IDE: variants seen among roughly 807,000 people sequenced by gnomAD.
IDE encodes insulin degrading enzyme, also known as insulin-degrading enzyme.
Under a neutral mutation model 133.2 loss-of-function variants are expected in IDE, and 58 were observed. The ratio of observed to expected loss-of-function variants is 0.44; its 90% CI spans 0.35 to 0.54. The LOEUF is 0.54. IDE is among the 20% of genes least tolerant of loss of function. IDE has a pLI of 0.00. For missense variants in IDE, 981 were observed against 1,234.0 expected (o/e 0.79, Z 3.07); for synonymous variants, 396 against 421.3 (o/e 0.94, Z 0.73).
Position 92,476,746 on chromosome 10 carries a change from T to C in IDE, c.1885-752A>G, listed in dbSNP as rs529226334. ...TACTATATCATCAAAACTCAAATTCTTTTTATAAAATTAATTGTAGAATGT... is the reference window on the plus strand; with the variant it reads ...TACTATATCATCAAAACTCAAATTCCTTTTATAAAATTAATTGTAGAATGT... On this transcript the variant is annotated intron_variant, in intron 15 of 24. Coordinates refer to ENST00000265986, the MANE Select transcript of IDE (RefSeq NM_004969.4). Among the ~76,000 whole-genome samples, 9 of 152,342 alleles carry C rather than the reference T, an allele frequency of 5.9e-5. 1 individual carries two copies. In the South Asian group the frequency reaches 1.5e-3, roughly 25 times the overall value.
At chr10:92,530,336 C>T (rs1432898891) in intron 4 of IDE, among the ~76,000 whole-genome samples, 1 of 150,822 alleles carries the variant, frequency 6.6e-6, no homozygotes, top group South Asian at 2.1e-4. Context: ...TTACTATCAC[C>T]CAGGCTGGAG....
chr10:92,475,602 C>T (rs979623544), intron 16 of IDE, among the ~76,000 whole-genome samples: 1 of 152,114 alleles, frequency 6.6e-6, no homozygotes, highest in African/African-American at 2.4e-5. Flanking sequence ...GAGGCCCTGA[C>T]AGCCACTAAG....
intron 22 of IDE, among the ~76,000 whole-genome samples, chr10:92,458,490 G>GT (rs71028821): frequency 0.028 from 2,304 of 83,764 alleles, 489 homozygotes; most frequent in Non-Finnish European, 0.036. Flanking sequence ...TACTCTCTCT[G>GT]TTTTTTTTTT....
intron 11 of IDE, among the ~76,000 whole-genome samples, chr10:92,496,506 C>G (rs1479268247): frequency 6.6e-6 from 1 of 152,146 alleles, no homozygotes; most frequent in African/African-American, 2.4e-5. Context: ...ACCTCTCTAG[C>G]CAGGTGTGGT....
chr10:92,551,566 CAAAAAAA>C (rs1232265058), intron 1 of IDE, among the ~76,000 whole-genome samples: 3 of 66,634 alleles, frequency 4.5e-5, no homozygotes, highest in East Asian at 4.4e-4. Flanking sequence ...GACTCCATCT[CAAAAAAA>C]AAAAAAAAAA....
intron 4 of IDE, among the ~76,000 whole-genome samples, chr10:92,521,625 G>A (rs748717898): frequency 7.9e-5 from 12 of 151,838 alleles, no homozygotes; most frequent in Non-Finnish European, 1.3e-4. Context: ...TGGGAGAATC[G>A]CTTGAAACTA....
chr10:92,491,047 G>C (rs2135462448), intron 11 of IDE, among the ~76,000 whole-genome samples: 1 of 152,056 alleles, frequency 6.6e-6, no homozygotes, highest in South Asian at 2.1e-4. Flanking sequence ...AGAGCAATCT[G>C]GGCAAAATAG....
intron 20 of IDE, among the ~76,000 whole-genome samples, chr10:92,464,972 T>C (rs1391911206): frequency 2.0e-5 from 3 of 152,184 alleles, no homozygotes; most frequent in African/African-American, 7.2e-5. Flanking sequence ...GCCCGGCCAA[T>C]AGTTTGAGCT....
At chr10:92,486,077 G>A (rs574024652) in intron 13 of IDE, among the ~76,000 whole-genome samples, 6 of 152,268 alleles carry the variant, frequency 3.9e-5, no homozygotes, top group Middle Eastern at 3.4e-3. Flanking sequence ...GGTCCGGCGT[G>A]GTGGCTCATG....
chr10:92,483,624 T>C (rs953700023), intron 13 of IDE, among the ~76,000 whole-genome samples: 1 of 152,104 alleles, frequency 6.6e-6, no homozygotes, highest in Non-Finnish European at 1.5e-5. Flanking sequence ...ATACCAACTG[T>C]CCTGTCTTCG....
At chr10:92,462,486 G>A (rs1186436292) in intron 21 of IDE, among the ~76,000 whole-genome samples, 5 of 152,238 alleles carry the variant, frequency 3.3e-5, no homozygotes, top group Admixed American at 2.6e-4. Context: ...GCACATGCCT[G>A]TAATCCCAGC....
At chr10:92,460,747 C>T (rs978615551) in intron 22 of IDE, among the ~76,000 whole-genome samples, 6 of 152,314 alleles carry the variant, frequency 3.9e-5, no homozygotes, top group East Asian at 3.8e-4. Flanking sequence ...AGTCATTAAG[C>T]GTTTGTGTCA....
chr10:92,509,106 GA>G (rs1307383965), intron 6 of IDE, among the ~76,000 whole-genome samples: 1 of 152,116 alleles, frequency 6.6e-6, no homozygotes, highest in African/African-American at 2.4e-5. Context: ...TTGACCCCCT[GA>G]ACCATGCAGC....
chr10:92,554,910 T>C (rs1375884280), intron 1 of IDE: 3 of 151,098 alleles, frequency 2.0e-5, no homozygotes, highest in African/African-American at 4.9e-5. Flanking sequence ...AGATGCCACA[T>C]GCAGGAGCTG....
rs1845900497 is a variant in IDE, at chr10:92,470,341, T to C, written c.2121A>G (p.Val707=). The C allele has an allele frequency of 6.3e-7, 1 of 1,599,350 alleles. No homozygotes were observed. The highest frequency in any genetic ancestry group is 1.3e-5 in the African/African-American group (1 of 74,510). ...TGAAGGCCTTAAGGCGAGGAAGGGT[T>C]ACATCTGCAAAGGTGTAAGAAGACA... ...KDELKEALDD[V]TLPRLKAFIP... Residue 707 remains valine, a synonymous_variant, in exon 18 of 25, where the codon GTA becomes GTG. Transcript: ENST00000265986.
Position 92,531,885 on chromosome 10 carries a change from T to C in IDE, c.524A>G (p.Asp175Gly), listed in dbSNP as rs1217725081. ...CACCTCTCTGTCTTTGCAACTTTCA[T>C]CGAACAAGGGGCACAGAAAAAACTG... Reference protein sequence around the residue: ...FAQFFLCPLFDESCKDREVNA... With the variant: ...FAQFFLCPLFGESCKDREVNA... The change falls in exon 4 of 25, where the codon GAT (aspartate) becomes GGT (glycine). Residue 175 changes from aspartate (D) to glycine (G), a missense_variant. By Grantham distance (94) the Asp-to-Gly change is moderately conservative. Around this residue, in one of 2 missense-constraint regions of IDE, gnomAD observed 321 missense variants for 339.3 expected, o/e 0.95. Coordinates refer to ENST00000265986, the MANE Select transcript of IDE (RefSeq NM_004969.4). The C allele has an allele frequency of 3.2e-6, 5 of 1,567,668 alleles. No individual in the cohort carries two copies. In the Admixed American group the frequency reaches 8.7e-5, roughly 27 times the overall value.
At chr10:92,499,760 T>C (rs1312670679) in intron 11 of IDE, among the ~76,000 whole-genome samples, 1 of 152,164 alleles carries the variant, frequency 6.6e-6, no homozygotes, top group Admixed American at 6.6e-5. Context: ...TTACTGCTTT[T>C]CATGTTCTAT....
chr10:92,467,627 T>C (rs1189243111), intron 19 of IDE, among the ~76,000 whole-genome samples: 1 of 152,176 alleles, frequency 6.6e-6, no homozygotes, highest in Admixed American at 6.5e-5. Flanking sequence ...GAAGGATGAA[T>C]TGCACTTTGA....
At position 92,534,627 on chromosome 10, in the gene IDE, T is replaced by C; in HGVS notation, c.442A>G (p.Asn148Asp). ...SNAFTSGEHT[N>D]YYFDVSHEHL... ...TCATGAGAAACATCAAAATAGTAAT[T>C]GGTATGCTCTCCACTAGTAAAGGCA... The change falls in exon 3 of 25, where the codon AAT becomes GAT. Residue 148 changes from asparagine to aspartate, a missense_variant. Physicochemically the swap from Asn to Asp is conservative, Grantham distance 23. Transcript: ENST00000265986. 2 of 1,613,928 alleles carry C rather than the reference T, an allele frequency of 1.2e-6. No homozygotes were observed. The highest frequency in any genetic ancestry group is 1.7e-6 in the Non-Finnish European group (2 of 1,179,902).
Sources: allele counts gnomAD v4.1 joint callset (sites outside exome capture counted in the v4.1 genomes callset), GRCh38; gene constraint gnomAD v4.1.1; regional missense constraint gnomAD v4.1.1; transcripts MANE v1.5; gene names NCBI Gene and HGNC (gene_info 2026-07-23, HGNC 2026-07-21).